Variants in SYNJ2BP observed in about 807,000 individuals in gnomAD.
The protein encoded by SYNJ2BP is synaptojanin 2 binding protein, also known as synaptojanin-2-binding protein.
In SYNJ2BP, 10 loss-of-function variants were observed where a neutral mutation model predicts 16.9. That is an observed-to-expected ratio of 0.59 (90% confidence interval 0.36 to 1.00). SYNJ2BP has a LOEUF of 1.00. SYNJ2BP is among the 50% of genes least tolerant of loss of function. The probability of loss-of-function intolerance (pLI) is 0.01; values close to 1 mark genes in which losing one functional copy is unlikely to be tolerated. For synonymous variants in SYNJ2BP, 54 were observed against 68.4 expected, an observed-to-expected ratio of 0.79 and a Z score of 1.04; for missense variants, 162 against 186.7, an observed-to-expected ratio of 0.87 and a Z score of 0.77.
intron 1 of SYNJ2BP, among the ~76,000 whole-genome samples, chr14:70,413,803 G>T (rs1175455091): frequency 6.6e-6 from 1 of 152,090 alleles, no homozygotes; most frequent in Non-Finnish European, 1.5e-5. Flanking sequence ...TATAATATGG[G>T]CCCAAACACT....
intron 2 of SYNJ2BP, among the ~76,000 whole-genome samples, chr14:70,377,007 A>C (rs545661274): frequency 6.6e-6 from 1 of 152,330 alleles, no homozygotes; most frequent in East Asian, 1.9e-4. Flanking sequence ...CCCTATAGAC[A>C]GTCTACCTTT....
intron 2 of SYNJ2BP, among the ~76,000 whole-genome samples, chr14:70,387,745 C>T (rs181600967): frequency 0.011 from 1,598 of 151,408 alleles, 21 homozygotes; most frequent in African/African-American, 0.036. Context: ...GCAGGAGAAT[C>T]GCTTGAACCC....
chr14:70,409,984 G>A (rs1444227764), intron 1 of SYNJ2BP, among the ~76,000 whole-genome samples: 1 of 151,996 alleles, frequency 6.6e-6, no homozygotes, highest in Non-Finnish European at 1.5e-5. Flanking sequence ...CAAGTGTGGT[G>A]GTGCATGTCT....
At position 70,371,589 on chromosome 14, in the gene SYNJ2BP, T is replaced by G. The variant is rs1887519512; in HGVS notation, c.*1402A>C. 1 of 152,222 alleles carries G rather than the reference T, an allele frequency of 6.6e-6. No individual in the cohort carries two copies. Among genetic ancestry groups the G allele is most frequent in the South Asian group, 2.1e-4 (1 of 4,830 alleles). 9.4% of individuals were successfully genotyped at this position (152,222 alleles called of 1,614,324 possible). A position where few individuals can be genotyped will look rare whatever the true frequency, so the allele number is the denominator to read the frequency against. The stretch of plus-strand genomic sequence containing the variant: ...ACGCGCCACCATGTCCAGGTAATTT[T>G]TGTATTTTCAGTAGACATGGGGTTT... On this transcript the variant is annotated 3_prime_UTR_variant, in exon 4 of 4. Transcript: ENST00000256366.
chr14:70,415,366 T>C (rs1888580983), intron 1 of SYNJ2BP, among the ~76,000 whole-genome samples: 1 of 151,386 alleles, frequency 6.6e-6, no homozygotes, highest in African/African-American at 2.4e-5. Context: ...CTGGGCAACG[T>C]AGTGAAACAT....
In SYNJ2BP at chr14:70,367,259, G is replaced by T. The variant is rs1246250578; in HGVS notation, c.*5732C>A. The T allele has an allele frequency of 6.6e-6, 1 of 152,128 alleles. No individual in the cohort carries two copies. The highest frequency in any genetic ancestry group is 1.5e-5 in the Non-Finnish European group (1 of 68,024). The allele number at this position is 152,128 out of a possible 1,614,324, so 9.4% of individuals were successfully genotyped here. The stretch of plus-strand genomic sequence containing the variant: ...CAGTTAAGCAAATCAAGTGCTTTGT[G>T]TTCTGTATATAAATTACATAATACA... On this transcript the variant is annotated 3_prime_UTR_variant, in exon 4 of 4. Transcript: ENST00000256366.
chr14:70,373,228 C>T (rs1440443119), intron 3 of SYNJ2BP, 97 bp from the exon 4 acceptor site: 3 of 1,495,406 alleles, frequency 2.0e-6, no homozygotes, highest in Non-Finnish European at 2.7e-6. Context: ...AGACTCTAGA[C>T]CACCCAAAAC....
chr14:70,380,505 T>C (rs1031361019), intron 2 of SYNJ2BP, among the ~76,000 whole-genome samples: 8 of 151,632 alleles, frequency 5.3e-5, no homozygotes, highest in African/African-American at 1.9e-4. Context: ...CTACTAAAAA[T>C]ACAAAAATAA....
intron 1 of SYNJ2BP, among the ~76,000 whole-genome samples, chr14:70,406,244 A>G (rs534142843): frequency 6.6e-6 from 1 of 152,258 alleles, no homozygotes; most frequent in South Asian, 2.1e-4. Flanking sequence ...TACAAAATAA[A>G]CTTTATATTT....
intron 2 of SYNJ2BP, among the ~76,000 whole-genome samples, chr14:70,383,934 T>C (rs1212135988): frequency 6.6e-6 from 1 of 151,574 alleles, no homozygotes; most frequent in Non-Finnish European, 1.5e-5. Flanking sequence ...AAATGAAATT[T>C]CACTTTTGAT....
At chr14:70,398,804 T>C (rs541864146) in intron 1 of SYNJ2BP, among the ~76,000 whole-genome samples, 4 of 152,166 alleles carry the variant, frequency 2.6e-5, no homozygotes, top group African/African-American at 7.2e-5. Flanking sequence ...CAGGTCCTCA[T>C]TGGGCCGGGG....
rs984165625 is a variant in SYNJ2BP, at chr14:70,372,079, G to A, written c.*912C>T. On this transcript the variant is annotated 3_prime_UTR_variant, in exon 4 of 4. Coordinates refer to ENST00000256366, the MANE Select transcript of SYNJ2BP (RefSeq NM_018373.3). The stretch of plus-strand genomic sequence containing the variant: ...TTATAATAACTCACCATAGTTGGCT[G>A]TTATAAGAATAAATATTGTTCTTCT... The A allele has an allele frequency of 1.3e-5, 2 of 152,094 alleles. No individual in the cohort carries two copies. Among genetic ancestry groups the A allele is most frequent in the African/African-American group, 4.8e-5 (2 of 41,418 alleles). The allele number at this position is 152,094 out of a possible 1,614,324, so 9.4% of individuals were successfully genotyped here. A position where few individuals can be genotyped will look rare whatever the true frequency, so the allele number is the denominator to read the frequency against.
Position 70,388,472 on chromosome 14 carries a change from A to G in SYNJ2BP, c.199T>C (p.Ser67Pro). The G allele has an allele frequency of 1.9e-6, 3 of 1,565,256 alleles. No individual in the cohort carries two copies. The highest frequency in any genetic ancestry group is 2.6e-6 in the Non-Finnish European group (3 of 1,157,612). The change falls in exon 2 of 4, where the codon TCG (serine) becomes CCG (proline). Residue 67 changes from serine (S) to proline (P), a missense_variant and splice_region_variant. Physicochemically the swap from Ser to Pro is moderately conservative, Grantham distance 74. Coordinates refer to ENST00000256366, the MANE Select transcript of SYNJ2BP (RefSeq NM_018373.3). ...AGGAGGCCGAAGCCCATTCTCACCG[A>G]AAGGATCTTATCACCCTCCTGGAGC... ...GRLQEGDKIL[S>P]VNGQDLKNLL...
chr14:70,399,528 G>C (rs1468180944), intron 1 of SYNJ2BP, among the ~76,000 whole-genome samples: 1 of 152,196 alleles, frequency 6.6e-6, no homozygotes, highest in Non-Finnish European at 1.5e-5. Flanking sequence ...ATGTGAGGGT[G>C]GGGGACACAC....
intron 1 of SYNJ2BP, among the ~76,000 whole-genome samples, chr14:70,404,666 T>TA (rs1351048341): frequency 6.6e-6 from 1 of 152,186 alleles, no homozygotes; most frequent in East Asian, 1.9e-4. Context: ...TACTAAGAGT[T>TA]AAAGTTACCG....
rs1435198481 is a variant in SYNJ2BP at position 70,372,116 on chromosome 14, T to C, written c.*875A>G. 1.3e-5 allele frequency: 2 copies of C among 152,202 alleles called. No individual in the cohort carries two copies. Among genetic ancestry groups the C allele is most frequent in the Admixed American group, 6.5e-5 (1 of 15,282 alleles). The allele number at this position is 152,202 out of a possible 1,614,324, so 9.4% of individuals were successfully genotyped here. A position where few individuals can be genotyped will look rare whatever the true frequency, so the allele number is the denominator to read the frequency against. On this transcript the variant is annotated 3_prime_UTR_variant, in exon 4 of 4. Transcript: ENST00000256366. ...AATATTGTTCTTCTAAGATTTTTAA[T>C]TAGTTGCTTCAGTTATTACATTTTT...
chr14:70,408,046 T>A (rs1354413635), intron 1 of SYNJ2BP, among the ~76,000 whole-genome samples: 3 of 152,072 alleles, frequency 2.0e-5, no homozygotes, highest in Non-Finnish European at 4.4e-5. Context: ...TTTCTAACAT[T>A]TCCAGTTCTA....
intron 1 of SYNJ2BP, among the ~76,000 whole-genome samples, chr14:70,413,879 CT>C (rs1199921526): frequency 6.6e-6 from 1 of 152,162 alleles, no homozygotes; most frequent in Non-Finnish European, 1.5e-5. Context: ...GTTCTCGGAT[CT>C]GATTAAACAT....
chr14:70,414,953 A>G (rs1888569583), intron 1 of SYNJ2BP, among the ~76,000 whole-genome samples: 1 of 152,234 alleles, frequency 6.6e-6, no homozygotes, highest in Non-Finnish European at 1.5e-5. Flanking sequence ...TATATAAAAT[A>G]GCAAAAAAAT....
Sources: allele counts gnomAD v4.1 joint callset (sites outside exome capture counted in the v4.1 genomes callset), GRCh38; gene constraint gnomAD v4.1.1; transcripts MANE v1.5; gene names NCBI Gene and HGNC (gene_info 2026-07-23, HGNC 2026-07-21).